Variants in ZAP70 observed in about 807,000 individuals in gnomAD.
The protein encoded by ZAP70 is zeta chain of T cell receptor associated protein kinase 70, also known as tyrosine-protein kinase ZAP-70.
In ZAP70, 27 loss-of-function variants were observed where a neutral mutation model predicts 65.8. The observed-to-expected ratio is 0.41, with a 90% CI of 0.30 to 0.57. The LOEUF (loss-of-function observed/expected upper bound fraction) is 0.57. ZAP70 is among the 20% of genes least tolerant of loss of function. The probability of loss-of-function intolerance (pLI) is 0.28; values close to 1 mark genes in which losing one functional copy is unlikely to be tolerated. For synonymous variants in ZAP70, 363 were observed against 360.8 expected (o/e 1.01, Z -0.07); for missense variants, 696 against 870.5 (o/e 0.80, Z 2.52).
At chr2:97,748,958 G>A in the ZAP70 span, among the ~76,000 whole-genome samples, 11 of 151,424 alleles carry the variant, frequency 7.3e-5, no homozygotes, top group African/African-American at 2.7e-4. Context: ...TAGTCTGGGA[G>A]TGCGTTTGTA....
chr2:97,752,144 G>A, the ZAP70 span, among the ~76,000 whole-genome samples: 2 of 152,176 alleles, frequency 1.3e-5, no homozygotes, highest in Non-Finnish European at 1.5e-5. Context: ...TAACCAGAAT[G>A]TATTTATAAT....
At chr2:97,724,712 G>T in intron 3 of ZAP70, 1 of 1,515,796 alleles carries the variant, frequency 6.6e-7, no homozygotes, top group Non-Finnish European at 8.8e-7. Context: ...GCCGGGCGAA[G>T]GCGAGGCTTG....
intron 2 of ZAP70, among the ~76,000 whole-genome samples, chr2:97,714,966 C>T (rs1301602434): frequency 1.3e-5 from 2 of 152,128 alleles, no homozygotes; most frequent in Non-Finnish European, 2.9e-5. Context: ...GACCAGTCAC[C>T]GCATCTCTCT....
rs1309520748 is a variant in ZAP70, at chr2:97,725,130, G to A, written c.441G>A (p.Pro147=). 3.7e-6 allele frequency: 6 copies of A among 1,614,110 alleles called. No individual in the cohort carries two copies. Among genetic ancestry groups the A allele is most frequent in the South Asian group, 1.1e-5 (1 of 91,078 alleles). The change falls in exon 4 of 14, where the codon CCG becomes CCA. Residue 147 remains proline, a synonymous_variant. Coordinates refer to ENST00000264972, the MANE Select transcript of ZAP70 (RefSeq NM_001079.4). ...AGCAGGCCATCATCAGCCAGGCCCC[G>A]CAGGTGGAGAAGCTCATTGCTACGA... ...ALEQAIISQA[P]QVEKLIATTA... is the part of the protein sequence containing the mutation.
Position 97,739,697 on chromosome 2 carries a change from G to A in ZAP70, c.*199G>A, listed in dbSNP as rs1279110788. ...TCTGGCTGGGGAGCAGGGAGGTCCG[G>A]GAGGGTGCGGCTGTGCAGCCTGTCC... is the stretch of plus-strand genomic sequence containing the variant. On this transcript the variant is annotated 3_prime_UTR_variant, in exon 14 of 14. Transcript: ENST00000264972. 2 of 861,568 alleles carry A rather than the reference G, an allele frequency of 2.3e-6. No individual in the cohort carries two copies. Among genetic ancestry groups the A allele is most frequent in the Non-Finnish European group, 3.5e-6 (2 of 569,762 alleles). The allele number at this position is 861,568 out of a possible 1,614,324, so 53.4% of individuals were successfully genotyped here.
intron 2 of ZAP70, among the ~76,000 whole-genome samples, chr2:97,716,573 T>A (rs1433844606): frequency 1.3e-5 from 2 of 151,904 alleles, no homozygotes; most frequent in East Asian, 3.9e-4. Flanking sequence ...GAGACCTGAA[T>A]AAAGTGGAAG....
chr2:97,749,556 G>A, the ZAP70 span, among the ~76,000 whole-genome samples: 44 of 152,170 alleles, frequency 2.9e-4, no homozygotes, highest in Non-Finnish European at 3.7e-4. Flanking sequence ...AGAAGCGGGA[G>A]GGGACTGACG....
At position 97,724,266 on chromosome 2, in the gene ZAP70, A is replaced by G. The variant is rs1410760446; in HGVS notation, c.230A>G (p.His77Arg). The G allele has an allele frequency of 6.2e-7, 1 of 1,604,702 alleles. No individual in the cohort carries two copies. Among genetic ancestry groups the G allele is most frequent in the Non-Finnish European group, 8.5e-7 (1 of 1,178,144 alleles). Residue 77 changes from histidine (H) to arginine (R), a missense_variant, in exon 3 of 14, where the codon CAC becomes CGC. By Grantham distance (29) the His-to-Arg change is conservative. This residue lies in a region of ZAP70 where 551 missense variants were observed against 630.0 expected (regional missense o/e 0.87). Transcript: ENST00000264972. The stretch of plus-strand genomic sequence containing the variant: ...TACGCCATTGCCGGCGGCAAAGCGC[A>G]CTGTGGACCGGCAGAGCTCTGCGAG... ...GTYAIAGGKA[H>R]CGPAELCEFY...
intron 2 of ZAP70, among the ~76,000 whole-genome samples, chr2:97,719,559 G>A (rs370042418): frequency 1.6e-4 from 24 of 151,030 alleles, no homozygotes; most frequent in Admixed American, 3.3e-4. Flanking sequence ...AGCCTGGGGG[G>A]GGGGCGCAGA....
chr2:97,714,822 C>T (rs1252323643), intron 2 of ZAP70, among the ~76,000 whole-genome samples: 1 of 152,214 alleles, frequency 6.6e-6, no homozygotes, highest in South Asian at 2.1e-4. Flanking sequence ...GCTTCCTTTT[C>T]CTCTTCACAC....
chr2:97,715,619 G>A lies in ZAP70; in HGVS notation c.-22+1625G>A, dbSNP rs139197078. Among the ~76,000 whole-genome samples the A allele has an allele frequency of 3.5e-3, 529 of 152,286 alleles. 3 individuals are homozygous for A. The highest frequency in any genetic ancestry group is 0.014 in the South Asian group (66 of 4,818). On this transcript the variant is annotated intron_variant, in intron 2 of 13. Coordinates refer to ENST00000264972, the MANE Select transcript of ZAP70 (RefSeq NM_001079.4). This position sits in a 1 kb window ranked among gnomAD's most constrained non-coding sequence, Gnocchi z 4.1. ...CCCCGCACCAGCCCAGCTCTCCAGG[G>A]TCTCCTAATAGACATTTGCTGGAGT...
rs548853168 is a variant in ZAP70, at chr2:97,736,938, C to G, written c.1290-535C>G. On this transcript the variant is annotated intron_variant, in intron 10 of 13. Coordinates refer to ENST00000264972, the MANE Select transcript of ZAP70 (RefSeq NM_001079.4). This position sits in a 1 kb window ranked among gnomAD's most constrained non-coding sequence, Gnocchi z 4.0. ...CAAGACAGTGGGAGACAGGAGGGAG[C>G]GAGGGCCTGGGCGGAGCTGACTATT... Among the ~76,000 whole-genome samples the G allele has an allele frequency of 1.3e-5, 2 of 151,842 alleles. No individual in the cohort carries two copies. Among genetic ancestry groups the G allele is most frequent in the Non-Finnish European group, 2.9e-5 (2 of 67,950 alleles).
chr2:97,732,597 A>C (rs2104686214), intron 4 of ZAP70: 1 of 523,224 alleles, frequency 1.9e-6, no homozygotes, highest in Admixed American at 3.2e-5. Context: ...CTGGGTGTCC[A>C]CCGTGGGGGG....
chr2:97,733,154 C>T lies in ZAP70; in HGVS notation c.732C>T (p.Asp244=), dbSNP rs201683657. ...QLVEYLKLKA[D]GLIYCLKEAC... ...TGGAGTATCTGAAGCTGAAGGCGGA[C>T]GGGCTCATCTACTGCCTGAAGGAGG... The change falls in exon 6 of 14, where the codon GAC becomes GAT. Residue 244 remains aspartate (D), a synonymous_variant. Coordinates refer to ENST00000264972, the MANE Select transcript of ZAP70 (RefSeq NM_001079.4). The T allele has an allele frequency of 3.7e-5, 59 of 1,613,836 alleles. No individual in the cohort carries two copies. The highest frequency in any genetic ancestry group is 2.5e-4 in the East Asian group (11 of 44,894).
Position 97,737,414 on chromosome 2 carries a change from T to C in ZAP70, c.1290-59T>C. On this transcript the variant is annotated intron_variant, in intron 10 of 13. Coordinates refer to ENST00000264972, the MANE Select transcript of ZAP70 (RefSeq NM_001079.4). This position sits in a 1 kb window ranked among gnomAD's most constrained non-coding sequence, Gnocchi z 5.0. Reference sequence around the variant, plus strand: ...CCAGCTGGGTCAGAGAAGCATGCTTTGCCCCTGGGAACTTGGCTAGTCTTC... The same window carrying C: ...CCAGCTGGGTCAGAGAAGCATGCTTCGCCCCTGGGAACTTGGCTAGTCTTC... The C allele has an allele frequency of 6.3e-7, 1 of 1,586,640 alleles. No homozygotes were observed.
chr2:97,719,332 A>C (rs1006578106), intron 2 of ZAP70, among the ~76,000 whole-genome samples: 1 of 121,752 alleles, frequency 8.2e-6, no homozygotes, highest in Non-Finnish European at 1.7e-5. Flanking sequence ...AGGATGACCC[A>C]AGTAAGGGGA....
chr2:97,755,518 A>C, the ZAP70 span, among the ~76,000 whole-genome samples: 1 of 152,222 alleles, frequency 6.6e-6, no homozygotes, highest in Admixed American at 6.5e-5. Context: ...AAACTGCTAA[A>C]GCATTTTAAT....
At chr2:97,743,129 T>C (rs1678169989), downstream of ZAP70, among the ~76,000 whole-genome samples, 1 of 152,138 alleles carries the variant, frequency 6.6e-6, no homozygotes, top group Admixed American at 6.5e-5. Context: ...AGCACATACA[T>C]TCATCCTCCT....
the ZAP70 span, among the ~76,000 whole-genome samples, chr2:97,746,195 C>A: frequency 6.6e-6 from 1 of 152,112 alleles, no homozygotes; most frequent in East Asian, 1.9e-4. Context: ...CATGGATTCA[C>A]GTTTACAGAG....
Sources: allele counts gnomAD v4.1 joint callset (sites outside exome capture counted in the v4.1 genomes callset), GRCh38; gene constraint gnomAD v4.1.1; regional missense constraint gnomAD v4.1.1; non-coding constraint Gnocchi (gnomAD v3.1); transcripts MANE v1.5; gene names NCBI Gene and HGNC (gene_info 2026-07-23, HGNC 2026-07-21).